The following FAN1 variants were observed in gnomAD, a reference collection of about 807,000 sequenced individuals.
FAN1 encodes the protein fanconi-associated nuclease 1.
FAN1 carries 91 observed loss-of-function variants against 104.9 expected under a neutral mutation model. That is an observed-to-expected ratio of 0.87 (90% CI 0.73 to 1.03). The LOEUF (loss-of-function observed/expected upper bound fraction) is 1.03. Among genes scored for constraint, FAN1 ranks in the 50% least tolerant of loss-of-function variants. The probability of loss-of-function intolerance (pLI) is 0.00; values close to 1 mark genes in which losing one functional copy is unlikely to be tolerated. For missense variants in FAN1, 1,263 were observed against 1,239.9 expected (o/e 1.02, Z -0.28); for synonymous variants, 478 against 457.6 (o/e 1.04, Z -0.57).
intron 14 of FAN1, among the ~76,000 whole-genome samples, chr15:30,937,928 TC>T (rs2062908862): frequency 1.3e-5 from 2 of 150,746 alleles, no homozygotes; most frequent in African/African-American, 4.8e-5. Context: ...ATGCCTGTAA[TC>T]CCAGCACTTT....
chr15:30,940,473 C>T, intron 14 of FAN1: 1 of 985,402 alleles, frequency 1.0e-6, no homozygotes, highest in Non-Finnish European at 1.2e-6. Context: ...GTGCAGGTGC[C>T]CAACTCGTAA....
Position 30,942,933 on chromosome 15 carries a change from GGT to G in FAN1, c.*1375_*1376del, listed in dbSNP as rs748097572. On this transcript the variant is annotated 3_prime_UTR_variant, in exon 15 of 15. Coordinates refer to ENST00000362065, the MANE Select transcript of FAN1 (RefSeq NM_014967.5). ...CTTCACGGAGCCATTCTGTATACAA[GGT>G]GTGCTCTTTCCAATGTAGAAGGGGT... 1.9e-6 allele frequency: 3 copies of G among 1,567,866 alleles called. No individual in the cohort carries two copies. Among genetic ancestry groups the G allele is most frequent in the Non-Finnish European group, 2.6e-6 (3 of 1,154,064 alleles).
At chr15:30,922,615 G>C (rs561135530) in intron 8 of FAN1, among the ~76,000 whole-genome samples, 98 of 152,254 alleles carry the variant, frequency 6.4e-4, no homozygotes, top group African/African-American at 2.3e-3. Flanking sequence ...CTGGCATTTA[G>C]GAATCAGGAT....
intron 10 of FAN1, chr15:30,928,002 A>G: frequency 1.0e-6 from 1 of 985,876 alleles, no homozygotes; most frequent in Non-Finnish European, 1.2e-6. Flanking sequence ...AGCCTTGACT[A>G]TCGGAAGCAC....
At chr15:30,906,644 C>T (rs2061986005) in intron 2 of FAN1, 3 of 390,364 alleles carry the variant, frequency 7.7e-6, no homozygotes, top group South Asian at 5.4e-5. Flanking sequence ...TGTGTGACTC[C>T]TCAGTAGATA....
intron 1 of FAN1, 59 bp from the exon 2 acceptor site, chr15:30,904,453 C>G (rs1814740674): frequency 1.5e-6 from 1 of 657,864 alleles, no homozygotes; most frequent in Non-Finnish European, 2.7e-6. Flanking sequence ...TCAGAGTTCG[C>G]TTTTCCCCTT....
chr15:30,926,064 G>A (rs2062454827), intron 10 of FAN1, 125 bp downstream of exon 10: 5 of 967,942 alleles, frequency 5.2e-6, no homozygotes, highest in Middle Eastern at 3.0e-4. Flanking sequence ...AGATGCTGTG[G>A]GCTGGGGGAT....
rs771483420 is a variant in FAN1, at chr15:30,941,676, C to T, written c.*114C>T. The stretch of plus-strand genomic sequence containing the variant: ...AAGTACATCCTGCTCTGGCCCAGCT[C>T]CCCATAGCAGGCCTCCAGGGGGCCA... On this transcript the variant is annotated 3_prime_UTR_variant, in exon 15 of 15. Coordinates refer to ENST00000362065, the MANE Select transcript of FAN1 (RefSeq NM_014967.5). 2 of 1,613,550 alleles carry T rather than the reference C, an allele frequency of 1.2e-6. No homozygotes were observed. Among genetic ancestry groups the T allele is most frequent in the Admixed American group, 3.3e-5 (2 of 59,940 alleles).
At chr15:30,938,399 T>C (rs1466018354) in intron 14 of FAN1, among the ~76,000 whole-genome samples, 1 of 152,216 alleles carries the variant, frequency 6.6e-6, no homozygotes, top group South Asian at 2.1e-4. Flanking sequence ...ATTTATAACA[T>C]GTAAATGCTT....
intron 7 of FAN1, 99 bp from the exon 8 acceptor site, chr15:30,922,136 C>G: frequency 7.1e-7 from 1 of 1,404,784 alleles, no homozygotes; most frequent in Non-Finnish European, 9.7e-7. Flanking sequence ...GAAAGATACG[C>G]ATTATAAATA....
At chr15:30,929,691 T>TG (rs1235388620) in intron 12 of FAN1, among the ~76,000 whole-genome samples, 7 of 107,510 alleles carry the variant, frequency 6.5e-5, no homozygotes, top group Non-Finnish European at 8.9e-5. Context: ...ATAATATATA[T>TG]AAAATATATA....
chr15:30,929,918 T>A (rs1162988310), intron 12 of FAN1, among the ~76,000 whole-genome samples: 2 of 78,972 alleles, frequency 2.5e-5, no homozygotes, highest in African/African-American at 9.1e-5. Context: ...ATATAATATA[T>A]ATCATATATA....
chr15:30,932,806 G>C (rs1206098590), intron 13 of FAN1, among the ~76,000 whole-genome samples: 3 of 148,616 alleles, frequency 2.0e-5, no homozygotes, highest in Non-Finnish European at 3.0e-5. Flanking sequence ...TCCGCCTCCT[G>C]GGTTCAAGTG....
rs1414697065 is a variant in FAN1, at chr15:30,904,638, C to T, written c.-26C>T. On this transcript the variant is annotated 5_prime_UTR_variant, in exon 2 of 15. An upstream open reading frame in the 5' UTR gains an earlier in-frame stop. Coordinates refer to ENST00000362065, the MANE Select transcript of FAN1 (RefSeq NM_014967.5). Reference sequence around the variant, plus strand: ...CTTAAATATCCTGTGTTTTATTGCTCAGAACATCCAGTTTTTCTAATACTC... The same window carrying T: ...CTTAAATATCCTGTGTTTTATTGCTTAGAACATCCAGTTTTTCTAATACTC... 1 of 1,606,410 alleles carries T rather than the reference C, an allele frequency of 6.2e-7. No homozygotes were observed. The highest frequency in any genetic ancestry group is 1.7e-5 in the Admixed American group (1 of 58,956).
intron 14 of FAN1, chr15:30,940,234 C>T (rs993211022): frequency 2.5e-5 from 25 of 985,104 alleles, no homozygotes; most frequent in Non-Finnish European, 2.9e-5. Context: ...CAGCTTTGAC[C>T]GCTACAGTGG....
chr15:30,941,851 TC>T lies in FAN1; in HGVS notation c.*291del. 6.2e-7 allele frequency: 1 copy of T among 1,614,052 alleles called. No homozygotes were observed. The highest frequency in any genetic ancestry group is 8.5e-7 in the Non-Finnish European group (1 of 1,179,902). On this transcript the variant is annotated 3_prime_UTR_variant, in exon 15 of 15. Transcript: ENST00000362065. ...ACAGTTTCCACAGTTTTATGTGTGT[TC>T]CAGAGACACGTGGCAGAATAACACC...
Position 30,939,357 on chromosome 15 carries a change from GCT to G in FAN1, c.*3+2105_*3+2106del, listed in dbSNP as rs1172035994. ...TGCTGGCGGGCAGCAGGGGTGCTGA[GCT>G]CTCTCTAGTGCGCCCTGTGCAGCCA... On this transcript the variant is annotated intron_variant, in intron 14 of 14. Coordinates refer to ENST00000362065, the MANE Select transcript of FAN1 (RefSeq NM_014967.5). 8.1e-6 allele frequency: 8 copies of G among 985,346 alleles called. No individual in the cohort carries two copies. The Admixed American group carries it at 1.8e-4, about 23-fold the overall frequency. The allele number at this position is 985,346 out of a possible 1,614,324, so 61.0% of individuals were successfully genotyped here. A position where few individuals can be genotyped will look rare whatever the true frequency, so the allele number is the denominator to read the frequency against.
In FAN1 at chr15:30,929,889, C is replaced by A. The variant is rs1191071826; in HGVS notation, c.2787+492C>A. 4.8e-4 allele frequency among the ~76,000 whole-genome samples: 33 copies of A among 68,800 alleles called. 2 individuals are homozygous for A. The highest frequency in any genetic ancestry group is 3.3e-3 in the East Asian group (4 of 1,200). 45.1% of individuals were successfully genotyped at this position (68,800 alleles called of 152,430 possible). A position where few individuals can be genotyped will look rare whatever the true frequency, so the allele number is the denominator to read the frequency against. On this transcript the variant is annotated intron_variant, in intron 12 of 14. Coordinates refer to ENST00000362065, the MANE Select transcript of FAN1 (RefSeq NM_014967.5). ...TATATATAAAATATATAATATATAT[C>A]ATATATAATATATAAAATATATAAT...
At chr15:30,929,151 A>T in intron 11 of FAN1, 52 bp from the exon 12 acceptor site, 1 of 1,545,302 alleles carries the variant, frequency 6.5e-7, no homozygotes, top group Non-Finnish European at 8.8e-7. Context: ...TCCTCTGGTG[A>T]ACACGGCTCT....
Sources: gnomAD v4.1 joint callset for allele counts (sites outside exome capture counted in the v4.1 genomes callset) on GRCh38, gnomAD v4.1.1 for gene constraint, MANE v1.5 for transcripts, NCBI Gene and HGNC (gene_info 2026-07-23, HGNC 2026-07-21) for gene names.